Variants in ITGAE observed in about 807,000 individuals in gnomAD.
The protein encoded by ITGAE is integrin alpha-E.
ITGAE carries 99 observed loss-of-function variants against 136.5 expected under a neutral mutation model. That is an observed-to-expected ratio of 0.73 (90% CI 0.62 to 0.86). The LOEUF is 0.86. Among genes scored for constraint, ITGAE ranks in the 40% least tolerant of loss-of-function variants. The pLI, the probability that ITGAE is intolerant of heterozygous loss-of-function variation, is 0.00. For missense variants in ITGAE, 1,447 were observed against 1,515.3 expected, an observed-to-expected ratio of 0.95 and a Z score of 0.75; for synonymous variants, 613 against 591.8, an observed-to-expected ratio of 1.04 and a Z score of -0.52.
In ITGAE at chr17:3,734,878, G is replaced by C; in HGVS notation, c.2594C>G (p.Ser865Cys). ...NINLTNSGED[S>C]YMTSMALNYP... ...ATTCAAGGCCATGCTTGTCATGTAG[G>C]AATCTTCCCCGGAGTTAGTTAGGTT... The change falls in exon 21 of 31, where the codon TCC (serine) becomes TGC (cysteine). Residue 865 changes from serine to cysteine, a missense_variant. By Grantham distance (112) the Ser-to-Cys change is moderately radical. This residue lies in a region of ITGAE where 1,031 missense variants were observed against 1,011.4 expected (regional missense o/e 1.02). Transcript: ENST00000263087. The C allele has an allele frequency of 6.2e-7, 1 of 1,614,186 alleles. No individual in the cohort carries two copies. The highest frequency in any genetic ancestry group is 8.5e-7 in the Non-Finnish European group (1 of 1,180,030).
intron 28 of ITGAE, among the ~76,000 whole-genome samples, chr17:3,722,650 G>A (rs1001267272): frequency 6.6e-6 from 1 of 152,156 alleles, no homozygotes; most frequent in South Asian, 2.1e-4. Flanking sequence ...AGAATAACCC[G>A]ATTATAAAAG....
At chr17:3,740,375 G>GTTGT (rs768028076) in intron 19 of ITGAE, among the ~76,000 whole-genome samples, 18 of 152,168 alleles carry the variant, frequency 1.2e-4, no homozygotes, top group Non-Finnish European at 1.0e-4. Flanking sequence ...TGTTTTTTCG[G>GTTGT]TTGTTTGTTT....
chr17:3,776,637 C>A (rs2052546665), intron 2 of ITGAE, among the ~76,000 whole-genome samples: 1 of 152,120 alleles, frequency 6.6e-6, no homozygotes, highest in Non-Finnish European at 1.5e-5. Flanking sequence ...CGGCTCCCTA[C>A]AGCCTCGGCC....
At position 3,728,115 on chromosome 17, in the gene ITGAE, A is replaced by T; in HGVS notation, c.2966T>A (p.Phe989Tyr). 6.2e-7 allele frequency: 1 copy of T among 1,612,622 alleles called. No homozygotes were observed. The highest frequency in any genetic ancestry group is 1.1e-5 in the South Asian group (1 of 91,046). ...ATAATAAGTACTTACATGGAAGAGGAATTCTTTGTGGTGAGAAAGCCCCTG... is the reference window on the plus strand; with the variant it reads ...ATAATAAGTACTTACATGGAAGAGGTATTCTTTGTGGTGAGAAAGCCCCTG... The part of the protein sequence containing the change: ...TGQGLSHHKE[F>Y]LFHVHGENLF... Residue 989 changes from phenylalanine (F) to tyrosine (Y), a missense_variant, in exon 25 of 31, where the codon TTC (phenylalanine) becomes TAC (tyrosine). By Grantham distance (22) the Phe-to-Tyr change is conservative. This residue lies in a region of ITGAE where 1,031 missense variants were observed against 1,011.4 expected (regional missense o/e 1.02). Transcript: ENST00000263087.
At position 3,767,111 on chromosome 17, in the gene ITGAE, T is replaced by C. The variant is rs1406712593; in HGVS notation, c.156-3151A>G. ...AAATTCTTTTTTTTTTTTTTCTTTT[T>C]TTGAGATGGAGTTTCACTCTTGTCG... On this transcript the variant is annotated intron_variant, in intron 2 of 30. Transcript: ENST00000263087. Among the ~76,000 whole-genome samples, 8 of 152,114 alleles carry C rather than the reference T, an allele frequency of 5.3e-5. No homozygotes were observed. The East Asian group carries it at 1.5e-3, about 29-fold the overall frequency.
chr17:3,785,071 G>C (rs1360096118), intron 1 of ITGAE, among the ~76,000 whole-genome samples: 2 of 152,142 alleles, frequency 1.3e-5, no homozygotes, highest in Non-Finnish European at 2.9e-5. Context: ...AGGACTGCTT[G>C]AGCCCAGGAG....
Position 3,796,507 on chromosome 17 carries a change from C to T in ITGAE, c.34+4604G>A, listed in dbSNP as rs553744398. ...GCTGTGCAGATCAAATGGGGCGATA[C>T]GCGGCCCCAGGTCTGACGCAGGAGG... On this transcript the variant is annotated intron_variant, in intron 1 of 30. Coordinates refer to ENST00000263087, the MANE Select transcript of ITGAE (RefSeq NM_002208.5). Among the ~76,000 whole-genome samples, 21 of 152,236 alleles carry T rather than the reference C, an allele frequency of 1.4e-4. 1 individual carries two copies. Among genetic ancestry groups the T allele is most frequent in the Admixed American group, 2.0e-4 (3 of 15,284 alleles).
intron 24 of ITGAE, among the ~76,000 whole-genome samples, chr17:3,728,661 C>G (rs940687665): frequency 6.6e-6 from 1 of 150,654 alleles, no homozygotes; most frequent in Non-Finnish European, 1.5e-5. Context: ...GCGTGAGCCA[C>G]CGCACCTGGC....
At chr17:3,797,071 C>T (rs932983021) in intron 1 of ITGAE, among the ~76,000 whole-genome samples, 1 of 151,806 alleles carries the variant, frequency 6.6e-6, no homozygotes, top group South Asian at 2.1e-4. Context: ...ATCTCTCTCC[C>T]TCACCCTTCA....
chr17:3,790,589 A>C (rs2052915124), intron 1 of ITGAE, among the ~76,000 whole-genome samples: 1 of 152,194 alleles, frequency 6.6e-6, no homozygotes, highest in Non-Finnish European at 1.5e-5. Flanking sequence ...ACAACTGCTT[A>C]GAGTGTGCTC....
At chr17:3,729,607 G>T in intron 23 of ITGAE, 52 bp from the exon 24 acceptor site, 1 of 1,196,722 alleles carries the variant, frequency 8.4e-7, no homozygotes, top group Non-Finnish European at 1.3e-6. Context: ...CATAGCAAGT[G>T]CTTCTTAAAA....
chr17:3,726,886 C>T (rs1185101866), intron 26 of ITGAE, among the ~76,000 whole-genome samples: 2 of 151,746 alleles, frequency 1.3e-5, no homozygotes, highest in Non-Finnish European at 2.9e-5. Context: ...CCACCATGCC[C>T]GGCTAATTGT....
chr17:3,779,786 T>G lies in ITGAE; in HGVS notation c.35-2126A>C, dbSNP rs2143334830. 1.3e-5 allele frequency among the ~76,000 whole-genome samples: 2 copies of G among 152,318 alleles called. 1 individual carries two copies. The highest frequency in any genetic ancestry group is 4.1e-4 in the South Asian group (2 of 4,826). ...TATAATTTTTCAACTTTTCTATATA[T>G]TTGAAATTTTTCATTTAAAATTTTT... On this transcript the variant is annotated intron_variant, in intron 1 of 30. Coordinates refer to ENST00000263087, the MANE Select transcript of ITGAE (RefSeq NM_002208.5).
chr17:3,781,380 C>T (rs1351578936), intron 1 of ITGAE, among the ~76,000 whole-genome samples: 1 of 150,826 alleles, frequency 6.6e-6, no homozygotes, highest in African/African-American at 2.4e-5. Context: ...GATAAAGTCT[C>T]GCTGAGCCGC....
chr17:3,767,727 A>G (rs1378110558), intron 2 of ITGAE, among the ~76,000 whole-genome samples: 1 of 151,860 alleles, frequency 6.6e-6, no homozygotes, highest in Non-Finnish European at 1.5e-5. Flanking sequence ...GGGCTCAGCA[A>G]TCCTCCTACC....
chr17:3,785,882 G>A (rs6502744), intron 1 of ITGAE, among the ~76,000 whole-genome samples: 1,990 of 151,680 alleles, frequency 0.013, 48 homozygotes, highest in African/African-American at 0.046. Flanking sequence ...TTAAAAAATA[G>A]AGGGGCCAGG....
Position 3,798,141 on chromosome 17 carries a change from C to G in ITGAE, c.34+2970G>C, listed in dbSNP as rs1236016255. On this transcript the variant is annotated intron_variant, in intron 1 of 30. Coordinates refer to ENST00000263087, the MANE Select transcript of ITGAE (RefSeq NM_002208.5). The surrounding 1 kb of genome is among the most constrained non-coding windows in gnomAD (Gnocchi z 4.3). ...ACACGGCCCACACTCCCCCAGCCAG[C>G]TCTCCCCCACACACTGCATTCCGGG... Among the ~76,000 whole-genome samples, 1 of 152,190 alleles carries G rather than the reference C, an allele frequency of 6.6e-6. No individual in the cohort carries two copies. Among genetic ancestry groups the G allele is most frequent in the Non-Finnish European group, 1.5e-5 (1 of 68,028 alleles).
chr17:3,736,087 G>A (rs960312794), intron 20 of ITGAE, among the ~76,000 whole-genome samples: 1 of 152,110 alleles, frequency 6.6e-6, no homozygotes, highest in Admixed American at 6.6e-5. Flanking sequence ...AGTTTGCAGA[G>A]GGCTGAGATC....
intron 1 of ITGAE, among the ~76,000 whole-genome samples, chr17:3,791,930 G>A (rs1160824248): frequency 6.6e-6 from 1 of 152,130 alleles, no homozygotes; most frequent in East Asian, 1.9e-4. Context: ...TATTGGCTTT[G>A]TTATAGTTAT....
Sources: allele counts gnomAD v4.1 joint callset (sites outside exome capture counted in the v4.1 genomes callset), GRCh38; gene constraint gnomAD v4.1.1; regional missense constraint gnomAD v4.1.1; non-coding constraint Gnocchi (gnomAD v3.1); transcripts MANE v1.5; gene names NCBI Gene and HGNC (gene_info 2026-07-23, HGNC 2026-07-21).